Variants in COL5A3 observed in about 807,000 individuals in gnomAD.
The protein encoded by COL5A3 is collagen type V alpha 3 chain.
COL5A3 carries 172 observed loss-of-function variants against 250.0 expected under a neutral mutation model. That is an observed-to-expected ratio of 0.69 (90% confidence interval 0.61 to 0.78). COL5A3 has a LOEUF of 0.78. COL5A3 is among the 30% of genes least tolerant of loss of function. COL5A3 has a pLI of 0.00. For missense variants in COL5A3, 2,340 were observed against 2,334.4 expected (o/e 1.00, Z -0.05); for synonymous variants, 937 against 900.4 (o/e 1.04, Z -0.73).
At chr19:9,980,093 G>A (rs1354635030) in intron 35 of COL5A3, 46 bp from the exon 36 acceptor site, 2 of 1,536,012 alleles carry the variant, frequency 1.3e-6, no homozygotes, top group Non-Finnish European at 1.8e-6. Flanking sequence ...CTGCCTCCCT[G>A]CCCACTCCCT....
intron 16 of COL5A3, among the ~76,000 whole-genome samples, chr19:9,994,915 A>T (rs564734147): frequency 1.6e-4 from 25 of 151,580 alleles, no homozygotes; most frequent in Non-Finnish European, 2.8e-4. Flanking sequence ...TTATTTATTT[A>T]TTATTATTAT....
Position 10,010,363 on chromosome 19 carries a change from C to T in COL5A3, c.23G>A (p.Gly8Asp). The T allele has an allele frequency of 6.8e-7, 1 of 1,461,796 alleles. No homozygotes were observed. The highest frequency in any genetic ancestry group is 1.4e-5 in the South Asian group (1 of 72,570). The allele number at this position is 1,461,796 out of a possible 1,614,324, so 90.6% of individuals were successfully genotyped here. Residue 8 changes from glycine to aspartate, a missense_variant, in exon 1 of 67, where the codon GGC becomes GAC. Gly to Asp is a moderately conservative substitution (Grantham distance 94). Transcript: ENST00000264828. ...CAGGCAGAGACCGGCCCGCGGCTGG[C>T]CCAGGTCCCGGCGGTTCCCCATCCC... Reference protein sequence around the residue: MGNRRDLGQPRAGLCLLL... With the variant: MGNRRDLDQPRAGLCLLL...
intron 19 of COL5A3, 127 bp downstream of exon 19, chr19:9,993,253 C>T: frequency 1.7e-6 from 2 of 1,180,544 alleles, no homozygotes; most frequent in South Asian, 1.3e-5. Context: ...AGTCTCACCT[C>T]CTCACCCCAC....
chr19:9,975,365 C>G (rs1168826023), intron 45 of COL5A3, among the ~76,000 whole-genome samples: 1 of 152,128 alleles, frequency 6.6e-6, no homozygotes, highest in African/African-American at 2.4e-5. Flanking sequence ...CAGGCATGAG[C>G]CACCGCACCT....
chr19:9,966,732 C>T lies in COL5A3; in HGVS notation c.4473G>A (p.Glu1491=). The stretch of plus-strand genomic sequence containing the variant: ...GCCGGCGCCTGCGCAGCCCATGCAG[C>T]TCGGCAGGGGCACCCTGGGCGTAGG... ...GPPGPPGAPA[E]LHGLRRRRRF... Residue 1491 remains glutamate (E), a synonymous_variant, in exon 63 of 67, where the codon GAG becomes GAA. Transcript: ENST00000264828. 6.5e-7 allele frequency: 1 copy of T among 1,535,700 alleles called. No homozygotes were observed. Among genetic ancestry groups the T allele is most frequent in the South Asian group, 1.2e-5 (1 of 83,978 alleles).
intron 63 of COL5A3, 44 bp downstream of exon 63, chr19:9,966,492 A>AC (rs1479817706): frequency 6.4e-7 from 1 of 1,552,984 alleles, no homozygotes; most frequent in African/African-American, 1.4e-5. Flanking sequence ...CCCCCCCCAC[A>AC]CCCCCACTCC....
intron 45 of COL5A3, among the ~76,000 whole-genome samples, chr19:9,974,752 G>T (rs1262598535): frequency 6.6e-6 from 1 of 151,904 alleles, no homozygotes; most frequent in Non-Finnish European, 1.5e-5. Context: ...CATTGGAAGA[G>T]TTGGGTCAGA....
rs752087354 is a variant in COL5A3, at chr19:10,004,086, C to A, written c.654G>T (p.Glu218Asp). Reference sequence around the variant, plus strand: ...GGTTGTCACAGTCGGGGAGGTACCGCTCACAAGCCTGGAAGGCAGCCTGAG... The same window carrying A: ...GGTTGTCACAGTCGGGGAGGTACCGATCACAAGCCTGGAAGGCAGCCTGAG... Reference protein sequence around the residue: ...PDPQAAFQACERYLPDCDNLA... With the variant: ...PDPQAAFQACDRYLPDCDNLA... Residue 218 changes from glutamate (E) to aspartate (D), a missense_variant, in exon 5 of 67, where the codon GAG (glutamate) becomes GAT (aspartate). Glu to Asp is a conservative substitution (Grantham distance 45). Transcript: ENST00000264828. The A allele has an allele frequency of 6.2e-7, 1 of 1,613,946 alleles. No individual in the cohort carries two copies. Among genetic ancestry groups the A allele is most frequent in the African/African-American group, 1.3e-5 (1 of 74,888 alleles).
Position 9,996,623 on chromosome 19 carries a change from T to C in COL5A3, c.1330A>G (p.Met444Val). The change falls in exon 12 of 67, where the codon ATG (methionine) becomes GTG (valine). Residue 444 changes from methionine (M) to valine (V), a missense_variant. Met to Val is a conservative substitution (Grantham distance 21). This residue lies in a region of COL5A3 where 1,152 missense variants were observed against 1,146.3 expected (regional missense o/e 1.00). Transcript: ENST00000264828. ...GIRGPPGTVI[M>V]MPFQFAGGSF... is the part of the protein sequence containing the mutation. ...CTCCATCTCCTTCTTACCGGCATCA[T>C]GATCACAGTGCCCGGTGGGCCTCGG... is the stretch of plus-strand genomic sequence containing the variant. The C allele has an allele frequency of 6.2e-7, 1 of 1,613,802 alleles. No individual in the cohort carries two copies. The highest frequency in any genetic ancestry group is 8.5e-7 in the Non-Finnish European group (1 of 1,179,912).
At chr19:9,964,430 A>C (rs1012341976) in intron 64 of COL5A3, among the ~76,000 whole-genome samples, 1 of 152,056 alleles carries the variant, frequency 6.6e-6, no homozygotes, top group Admixed American at 6.6e-5. Context: ...TGAGACCCTC[A>C]TCTCTATAAG....
rs1342916548 is a variant in COL5A3, at chr19:10,006,198, T to C, written c.122A>G (p.Gln41Arg). ...CTCGGGGACCCCAGCCTGGCCTCCCTGCACACCCAGGGCCTTCAGGACATC... is the reference window on the plus strand; with the variant it reads ...CTCGGGGACCCCAGCCTGGCCTCCCCGCACACCCAGGGCCTTCAGGACATC... ...PVDVLKALGVQGGQAGVPEGP... is the reference protein window; with the variant it reads ...PVDVLKALGVRGGQAGVPEGP... The change falls in exon 2 of 67, where the codon CAG (glutamine) becomes CGG (arginine). Residue 41 changes from glutamine to arginine, a missense_variant. By Grantham distance (43) the Gln-to-Arg change is conservative. This residue lies in a region of COL5A3 where 1,152 missense variants were observed against 1,146.3 expected (regional missense o/e 1.00). Coordinates refer to ENST00000264828, the MANE Select transcript of COL5A3 (RefSeq NM_015719.4). 3 of 1,605,050 alleles carry C rather than the reference T, an allele frequency of 1.9e-6. No individual in the cohort carries two copies. The highest frequency in any genetic ancestry group is 1.7e-5 in the Admixed American group (1 of 57,842).
intron 35 of COL5A3, among the ~76,000 whole-genome samples, chr19:9,980,317 G>A: frequency 6.6e-6 from 1 of 152,190 alleles, no homozygotes; most frequent in East Asian, 1.9e-4. Flanking sequence ...GAGTGGCAGA[G>A]CCAGGACTTG....
In COL5A3 at chr19:9,996,182, C is replaced by A. The variant is rs546293031; in HGVS notation, c.1479+24G>T. 23 of 1,558,782 alleles carry A rather than the reference C, an allele frequency of 1.5e-5. 1 individual carries two copies. The highest frequency in any genetic ancestry group is 3.5e-4 in the Middle Eastern group (2 of 5,794). On this transcript the variant is annotated intron_variant, in intron 14 of 66. Coordinates refer to ENST00000264828, the MANE Select transcript of COL5A3 (RefSeq NM_015719.4). ...TTCTTCACTAATGCATGCACCGCCC[C>A]CTCCACGCAGTCGCCTTACTCACCA...
At chr19:9,976,285 G>T (rs1284121529) in intron 45 of COL5A3, among the ~76,000 whole-genome samples, 1 of 151,536 alleles carries the variant, frequency 6.6e-6, no homozygotes, top group Non-Finnish European at 1.5e-5. Flanking sequence ...GTTCATACTG[G>T]GTGTTTGTAC....
At chr19:9,979,078 G>A (rs2086966672) in intron 39 of COL5A3, 54 bp downstream of exon 39, 9 of 1,489,306 alleles carry the variant, frequency 6.0e-6, no homozygotes, top group East Asian at 2.3e-5. Context: ...CTGATTCTGA[G>A]TCCTTGGTTG....
intron 65 of COL5A3, 103 bp from the exon 66 acceptor site, chr19:9,960,993 C>A (rs2277968): frequency 1.3e-5 from 19 of 1,420,070 alleles, no homozygotes; most frequent in Middle Eastern, 2.3e-4. Context: ...AGCCACCCCC[C>A]CCATGTCACC....
chr19:9,960,480 C>A lies in COL5A3; in HGVS notation c.5169G>T (p.Ala1723=). 6.2e-7 allele frequency: 1 copy of A among 1,614,092 alleles called. No homozygotes were observed. Among genetic ancestry groups the A allele is most frequent in the South Asian group, 1.1e-5 (1 of 91,074 alleles). The change falls in exon 67 of 67, where the codon GCG becomes GCT. Residue 1723 remains alanine, a synonymous_variant. Coordinates refer to ENST00000264828, the MANE Select transcript of COL5A3 (RefSeq NM_015719.4). The stretch of plus-strand genomic sequence containing the variant: ...GGTTCGTCTGGCCAAAGTCAGTGGC[C>A]GCCACATCCCACAGGGGCAGAAATC... ...RAGFLPLWDV[A]ATDFGQTNQK... is the part of the protein sequence containing the mutation.
Position 9,985,848 on chromosome 19 carries a change from T to C in COL5A3, c.2400A>G (p.Gly800=). The C allele has an allele frequency of 6.2e-7, 1 of 1,613,656 alleles. No individual in the cohort carries two copies. Among genetic ancestry groups the C allele is most frequent in the South Asian group, 1.1e-5 (1 of 91,052 alleles). ...CCCACCCCCAGCTTCCTACCTTAGGTCCAGGGCGTCCTGGATAACCTGGGA... is the reference window on the plus strand; with the variant it reads ...CCCACCCCCAGCTTCCTACCTTAGGCCCAGGGCGTCCTGGATAACCTGGGA... The part of the protein sequence containing the change: ...PGLPGYPGRP[G]PKGSIGFPGP... Residue 800 remains glycine, a synonymous_variant, in exon 31 of 67, where the codon GGA becomes GGG. Coordinates refer to ENST00000264828, the MANE Select transcript of COL5A3 (RefSeq NM_015719.4).
chr19:9,973,942 G>A lies in COL5A3; in HGVS notation c.3535C>T (p.Pro1179Ser). 1 of 1,550,514 alleles carries A rather than the reference G, an allele frequency of 6.4e-7. No homozygotes were observed. The highest frequency in any genetic ancestry group is 2.3e-5 in the East Asian group (1 of 44,192). ...GPHGAPGPRGPQGPTGSEGTP... is the reference protein window; with the variant it reads ...GPHGAPGPRGSQGPTGSEGTP... ...ACCTCTGATCCAGTGGGGCCTTGGG[G>A]ACCCCGAGGACCTGGAGCTCCATGG... The change falls in exon 48 of 67, where the codon CCC (proline) becomes TCC (serine). Residue 1179 changes from proline to serine, a missense_variant. Transcript: ENST00000264828.
Sources: gnomAD v4.1 joint callset for allele counts (sites outside exome capture counted in the v4.1 genomes callset) on GRCh38, gnomAD v4.1.1 for gene constraint, gnomAD v4.1.1 regional missense constraint, MANE v1.5 for transcripts, NCBI Gene and HGNC (gene_info 2026-07-23, HGNC 2026-07-21) for gene names.